PAFAH2: variants seen among roughly 807,000 people sequenced by gnomAD.
PAFAH2 encodes the protein platelet activating factor acetylhydrolase 2, also known as platelet-activating factor acetylhydrolase 2, cytoplasmic.
Under a neutral mutation model 49.0 loss-of-function variants are expected in PAFAH2, and 42 were observed. The observed-to-expected ratio is 0.86, with a 90% CI of 0.67 to 1.11. The LOEUF (loss-of-function observed/expected upper bound fraction) is 1.11. PAFAH2 is among the 50% of genes least tolerant of loss of function. The pLI is 0.00. For missense variants in PAFAH2, 503 were observed against 501.8 expected (o/e 1.00, Z -0.02); for synonymous variants, 184 against 181.3 (o/e 1.01, Z -0.12).
chr1:25,970,874 G>GCTAC (rs1404774408), intron 10 of PAFAH2, among the ~76,000 whole-genome samples: 1 of 151,982 alleles, frequency 6.6e-6, no homozygotes, highest in Non-Finnish European at 1.5e-5. Context: ...CAGATGTTGA[G>GCTAC]CTACCACACC....
chr1:25,969,928 A>C (rs2049482940), intron 10 of PAFAH2, among the ~76,000 whole-genome samples: 1 of 152,210 alleles, frequency 6.6e-6, no homozygotes, highest in Non-Finnish European at 1.5e-5. Flanking sequence ...TTGCCAGGTG[A>C]TAAGAATGAT....
At chr1:25,983,196 G>C (rs1377074511) in intron 6 of PAFAH2, among the ~76,000 whole-genome samples, 1 of 151,942 alleles carries the variant, frequency 6.6e-6, no homozygotes, top group Non-Finnish European at 1.5e-5. Context: ...TTTGAGACCA[G>C]CCTGGGCAAC....
At chr1:25,989,392 C>T (rs2049838224) in intron 3 of PAFAH2, 56 bp downstream of exon 3, 1 of 1,483,794 alleles carries the variant, frequency 6.7e-7, no homozygotes, top group African/African-American at 1.4e-5. Context: ...CTGGGGATCT[C>T]CCAGGAACAT....
intron 10 of PAFAH2, among the ~76,000 whole-genome samples, chr1:25,968,874 C>T (rs947945115): frequency 3.3e-5 from 5 of 152,108 alleles, no homozygotes; most frequent in African/African-American, 1.2e-4. Flanking sequence ...GGATTATAGA[C>T]GTGAGCCACT....
At chr1:25,976,654 A>C (rs374396142) in intron 8 of PAFAH2, 28 bp downstream of exon 8, 977 of 1,510,810 alleles carry the variant, frequency 6.5e-4, no homozygotes, top group Admixed American at 1.2e-3. Flanking sequence ...TATGGAGCTA[A>C]GCACAGCAAC....
chr1:25,979,851 C>T (rs1342961608), intron 7 of PAFAH2, among the ~76,000 whole-genome samples: 1 of 152,198 alleles, frequency 6.6e-6, no homozygotes, highest in Non-Finnish European at 1.5e-5. Flanking sequence ...GTATCGAACT[C>T]CTGGGCTCAA....
At position 25,984,514 on chromosome 1, in the gene PAFAH2, G is replaced by A. The variant is rs1557526294; in HGVS notation, c.356C>T (p.Ala119Val). ...GLGAFRTLYS[A>V]FCMELASRGF... Reference sequence around the variant, plus strand: ...ACGTGAGGCCAGCTCCATGCAGAAGGCTGAATACAAAGTCCTGGAGATTCA... The same window carrying A: ...ACGTGAGGCCAGCTCCATGCAGAAGACTGAATACAAAGTCCTGGAGATTCA... Residue 119 changes from alanine (A) to valine (V), a missense_variant, in exon 5 of 11, where the codon GCC becomes GTC. Ala to Val is a moderately conservative substitution (Grantham distance 64, BLOSUM62 0). Coordinates refer to ENST00000374282, the MANE Select transcript of PAFAH2 (RefSeq NM_000437.4). The A allele has an allele frequency of 6.2e-7, 1 of 1,613,632 alleles. No individual in the cohort carries two copies. Among genetic ancestry groups the A allele is most frequent in the South Asian group, 1.1e-5 (1 of 91,050 alleles).
intron 10 of PAFAH2, among the ~76,000 whole-genome samples, chr1:25,965,477 A>T (rs551512394): frequency 6.6e-6 from 1 of 152,334 alleles, no homozygotes; most frequent in South Asian, 2.1e-4. Flanking sequence ...GAATGGAAGA[A>T]AATATTTCTG....
intron 1 of PAFAH2, among the ~76,000 whole-genome samples, chr1:25,994,018 T>G (rs77984111): frequency 6.6e-6 from 1 of 151,984 alleles, no homozygotes; most frequent in Admixed American, 6.6e-5. Flanking sequence ...GTGACCAGAT[T>G]TGGGGAGGAG....
At chr1:25,962,418 A>C (rs538272061) in intron 10 of PAFAH2, among the ~76,000 whole-genome samples, 2 of 152,348 alleles carry the variant, frequency 1.3e-5, no homozygotes, top group Admixed American at 1.3e-4. Flanking sequence ...CTAAGTATTA[A>C]TACTAATCTT....
intron 10 of PAFAH2, 127 bp downstream of exon 10, chr1:25,972,431 T>C: frequency 1.9e-6 from 2 of 1,047,716 alleles, no homozygotes; most frequent in Non-Finnish European, 2.8e-6. Flanking sequence ...AAGTCTCTCC[T>C]TCACTCAGGT....
chr1:25,964,791 C>T (rs2049395845), intron 10 of PAFAH2, among the ~76,000 whole-genome samples: 1 of 152,112 alleles, frequency 6.6e-6, no homozygotes, highest in African/African-American at 2.4e-5. Context: ...GAAAAAACAT[C>T]CCACACTCAT....
intron 4 of PAFAH2, among the ~76,000 whole-genome samples, chr1:25,988,017 C>G (rs1014853746): frequency 1.3e-5 from 2 of 152,066 alleles, no homozygotes; most frequent in African/African-American, 4.8e-5. Flanking sequence ...AGAAGTAAAG[C>G]ATATAAAGGC....
chr1:25,976,844 G>A, intron 7 of PAFAH2, 71 bp from the exon 8 acceptor site: 3 of 1,285,444 alleles, frequency 2.3e-6, no homozygotes. Flanking sequence ...TCAGGAGCAA[G>A]AGGAAGAAAT....
At chr1:25,995,821 T>G (rs1395169197) in intron 1 of PAFAH2, among the ~76,000 whole-genome samples, 1 of 152,226 alleles carries the variant, frequency 6.6e-6, no homozygotes, top group Non-Finnish European at 1.5e-5. Flanking sequence ...GACCAAACTG[T>G]CTATCTGCAT....
intron 1 of PAFAH2, among the ~76,000 whole-genome samples, chr1:25,992,721 T>C (rs956131479): frequency 1.3e-5 from 2 of 152,216 alleles, no homozygotes; most frequent in African/African-American, 2.4e-5. Context: ...AACATGAGAA[T>C]GTCAAACTTC....
intron 1 of PAFAH2, chr1:25,997,768 G>C (rs1397783617): frequency 1.3e-5 from 2 of 152,866 alleles, no homozygotes; most frequent in Non-Finnish European, 2.9e-5. Context: ...TGGGGTCCAA[G>C]GTGGGGCTGC....
intron 1 of PAFAH2, among the ~76,000 whole-genome samples, chr1:25,991,326 G>C (rs2124368829): frequency 6.6e-6 from 1 of 152,036 alleles, no homozygotes; most frequent in South Asian, 2.1e-4. Context: ...CTGTTGCTAG[G>C]CTGGAGTGCA....
At chr1:25,984,719 T>C (rs2049753863) in intron 4 of PAFAH2, among the ~76,000 whole-genome samples, 191 bp from the exon 5 acceptor site, 1 of 152,194 alleles carries the variant, frequency 6.6e-6, no homozygotes, top group Non-Finnish European at 1.5e-5. Context: ...ATTTGGGAGT[T>C]TTCTGTTAAA....
Sources: allele counts gnomAD v4.1 joint callset (sites outside exome capture counted in the v4.1 genomes callset), GRCh38; gene constraint gnomAD v4.1.1; transcripts MANE v1.5; gene names NCBI Gene and HGNC (gene_info 2026-07-23, HGNC 2026-07-21).